Variants in ADAP1 observed in about 807,000 individuals in gnomAD.
ADAP1 encodes arf-GAP with dual PH domain-containing protein 1.
In ADAP1, 31 loss-of-function variants were observed where a neutral mutation model predicts 54.9. That is an observed-to-expected ratio of 0.56 (90% CI 0.42 to 0.76). The LOEUF (loss-of-function observed/expected upper bound fraction) is 0.76. Among genes scored for constraint, ADAP1 ranks in the 30% least tolerant of loss-of-function variants. The probability of loss-of-function intolerance (pLI) is 0.00; values close to 1 mark genes in which losing one functional copy is unlikely to be tolerated. For missense variants in ADAP1, 535 were observed against 512.4 expected (o/e 1.04, Z -0.42); for synonymous variants, 313 against 202.6 (o/e 1.55, Z -4.63).
chr7:928,295 A>G (rs1484633584), intron 2 of ADAP1, among the ~76,000 whole-genome samples: 2 of 152,162 alleles, frequency 1.3e-5, no homozygotes, highest in Non-Finnish European at 2.9e-5. Flanking sequence ...TGAGCCCAAG[A>G]GGTCAAGGCT....
chr7:907,248 G>A (rs1427970387), intron 4 of ADAP1, among the ~76,000 whole-genome samples: 2 of 152,276 alleles, frequency 1.3e-5, no homozygotes, highest in East Asian at 3.9e-4. Context: ...CACCTTCTAT[G>A]GCAAAACACA....
chr7:928,164 G>A (rs571426448), intron 2 of ADAP1, among the ~76,000 whole-genome samples: 1 of 151,828 alleles, frequency 6.6e-6, no homozygotes, highest in Admixed American at 6.6e-5. Flanking sequence ...AGGTCGCAGT[G>A]GGCTATGGTC....
At chr7:907,722 G>A (rs1161824074) in intron 4 of ADAP1, among the ~76,000 whole-genome samples, 1 of 152,200 alleles carries the variant, frequency 6.6e-6, no homozygotes, top group Admixed American at 6.5e-5. Flanking sequence ...GTGGCTTGCA[G>A]CATCCGTGTC....
At chr7:930,143 G>C (rs1846523819) in intron 2 of ADAP1, among the ~76,000 whole-genome samples, 1 of 140,780 alleles carries the variant, frequency 7.1e-6, no homozygotes, top group Non-Finnish European at 1.5e-5. Context: ...AGGCAGAGAA[G>C]GCCTATTTAT....
chr7:931,617 A>T lies in ADAP1; in HGVS notation c.213+3758T>A, dbSNP rs565262000. 3.0e-3 allele frequency among the ~76,000 whole-genome samples: 457 copies of T among 152,204 alleles called. 3 individuals are homozygous for T. Among genetic ancestry groups the T allele is most frequent in the Middle Eastern group, 0.01 (3 of 294 alleles). Reference sequence around the variant, plus strand: ...CGGACTTCCTTTCTGGGGTGATGAAAATGTCCTAATATTGGCTTCAGCGAA... The same window carrying T: ...CGGACTTCCTTTCTGGGGTGATGAATATGTCCTAATATTGGCTTCAGCGAA... On this transcript the variant is annotated intron_variant, in intron 2 of 10. Coordinates refer to ENST00000265846, the MANE Select transcript of ADAP1 (RefSeq NM_006869.4).
At chr7:903,871 C>T (rs911663009) in intron 6 of ADAP1, 3 of 445,586 alleles carry the variant, frequency 6.7e-6, no homozygotes, top group African/African-American at 4.2e-5. Context: ...GGTGATCCGG[C>T]TCCTGGGCAG....
intron 1 of ADAP1, among the ~76,000 whole-genome samples, chr7:942,285 A>G (rs2128110391): frequency 6.6e-6 from 1 of 151,298 alleles, no homozygotes; most frequent in Middle Eastern, 3.4e-3. Context: ...GAGAGAGAGG[A>G]GGAGGAAGAG....
chr7:905,340 G>A (rs1845087460), intron 4 of ADAP1, 168 bp from the exon 5 acceptor site: 2 of 488,370 alleles, frequency 4.1e-6, no homozygotes, highest in Non-Finnish European at 7.4e-6. Flanking sequence ...AGGAGACAGG[G>A]AGATAGGAAG....
chr7:905,789 A>AGGGAAAGGAGAAGGGAGAAG (rs1562912932), intron 4 of ADAP1, among the ~76,000 whole-genome samples: 1 of 31,678 alleles, frequency 3.2e-5, no homozygotes, highest in African/African-American at 1.2e-4. Flanking sequence ...GAAAGGAGAA[A>AGGGAAAGGAGAAGGGAGAAG]GGAGAAAGGA....
At position 926,990 on chromosome 7, in the gene ADAP1, T is replaced by A. The variant is rs1201510008; in HGVS notation, c.214-346A>T. The stretch of plus-strand genomic sequence containing the variant: ...GTCCCGTGGGAGAGAGCTGGCTGCA[T>A]CCTGTGACCCCCATCTCTGCCCCAG... On this transcript the variant is annotated intron_variant, in intron 2 of 10. Transcript: ENST00000265846. This position sits in a 1 kb window ranked among gnomAD's most constrained non-coding sequence, Gnocchi z 4.6. 1 of 1,260,930 alleles carries A rather than the reference T, an allele frequency of 7.9e-7. No homozygotes were observed. Among genetic ancestry groups the A allele is most frequent in the African/African-American group, 1.6e-5 (1 of 64,364 alleles). 78.1% of individuals were successfully genotyped at this position (1,260,930 alleles called of 1,614,324 possible).
At chr7:913,547 G>A (rs1213121427) in intron 4 of ADAP1, among the ~76,000 whole-genome samples, 2 of 152,084 alleles carry the variant, frequency 1.3e-5, no homozygotes, top group Non-Finnish European at 2.9e-5. Context: ...TATGTCTATG[G>A]ACTTGGGGGT....
At position 905,371 on chromosome 7, in the gene ADAP1, G is replaced by GAGAAAGGAGAAAGGAGAAAGGA. The variant is rs376551972; in HGVS notation, c.389-200_389-199insTCCTTTCTCCTTTCTCCTTTCT. 3.0e-4 allele frequency: 18 copies of GAGAAAGGAGAAAGGAGAAAGGA among 60,670 alleles called. 2 individuals are homozygous for GAGAAAGGAGAAAGGAGAAAGGA. The highest frequency in any genetic ancestry group is 3.2e-4 in the Admixed American group (1 of 3,154). 3.8% of individuals were successfully genotyped at this position (60,670 alleles called of 1,614,324 possible). ...GGAAGATGGGCAGGGAAAGGGAAAG[G>GAGAAAGGAGAAAGGAGAAAGGA]GAAAGGAGAAAGGAGAAAGGAGAAA... is the stretch of plus-strand genomic sequence containing the variant. On this transcript the variant is annotated intron_variant, in intron 4 of 10. Coordinates refer to ENST00000265846, the MANE Select transcript of ADAP1 (RefSeq NM_006869.4).
At chr7:921,773 C>T (rs540533160) in intron 3 of ADAP1, among the ~76,000 whole-genome samples, 4 of 152,332 alleles carry the variant, frequency 2.6e-5, no homozygotes, top group South Asian at 2.1e-4. Flanking sequence ...GGTCACACAG[C>T]GGCCTCTCAG....
chr7:908,871 G>A (rs947842623), intron 4 of ADAP1, among the ~76,000 whole-genome samples: 5 of 152,190 alleles, frequency 3.3e-5, no homozygotes, highest in East Asian at 1.9e-4. Flanking sequence ...CCTCGCCCAC[G>A]GGGGTGGAGC....
chr7:944,375 C>T (rs570221131), intron 1 of ADAP1, among the ~76,000 whole-genome samples: 81 of 151,760 alleles, frequency 5.3e-4, no homozygotes, highest in African/African-American at 1.8e-3. Flanking sequence ...CTGTCTCAGC[C>T]TCCCAAGTAG....
At chr7:935,286 G>A (rs1222900370) in intron 2 of ADAP1, 89 bp downstream of exon 2, 1 of 1,501,714 alleles carries the variant, frequency 6.7e-7, no homozygotes, top group Admixed American at 2.1e-5. Flanking sequence ...AGGGGCCACA[G>A]CCAGGCCGCC....
upstream of ADAP1, chr7:955,323 C>T (rs754913628): frequency 2.7e-5 from 42 of 1,550,300 alleles, 1 homozygote; most frequent in South Asian, 1.7e-4. Context: ...CCTTCCTCTG[C>T]ACACCCCAGC....
At chr7:903,540 A>G (rs1170415869) in intron 6 of ADAP1, among the ~76,000 whole-genome samples, 1 of 152,144 alleles carries the variant, frequency 6.6e-6, no homozygotes, top group Admixed American at 6.5e-5. Flanking sequence ...AACCTAAGTA[A>G]CAAAGAGGCT....
At chr7:954,770 C>T, upstream of ADAP1, 1 of 939,350 alleles carries the variant, frequency 1.1e-6, no homozygotes, top group Non-Finnish European at 1.3e-6. Flanking sequence ...GTGGCCTCCT[C>T]CCTCGGCCGC....
Sources: gnomAD v4.1 joint callset for allele counts (sites outside exome capture counted in the v4.1 genomes callset) on GRCh38, gnomAD v4.1.1 for gene constraint, Gnocchi (gnomAD v3.1) non-coding constraint, MANE v1.5 for transcripts, NCBI Gene and HGNC (gene_info 2026-07-23, HGNC 2026-07-21) for gene names.